SH2D4B: variants seen among roughly 807,000 people sequenced by gnomAD.
SH2D4B encodes SH2 domain-containing protein 4B.
SH2D4B carries 45 observed loss-of-function variants against 61.5 expected under a neutral mutation model. The ratio of observed to expected loss-of-function variants is 0.73; its 90% confidence interval spans 0.58 to 0.94. The LOEUF (loss-of-function observed/expected upper bound fraction) is 0.94, where lower values mean the gene tolerates loss of function less well. Among genes scored for constraint, SH2D4B ranks in the 40% least tolerant of loss-of-function variants. The pLI, the probability that SH2D4B is intolerant of heterozygous loss-of-function variation, is 0.00. For synonymous variants in SH2D4B, 224 were observed against 220.4 expected, an observed-to-expected ratio of 1.02 and a Z score of -0.14; for missense variants, 572 against 574.2, an observed-to-expected ratio of 1.00 and a Z score of 0.04.
At chr10:80,596,106 T>A (rs1195838627) in intron 4 of SH2D4B, among the ~76,000 whole-genome samples, 1 of 152,218 alleles carries the variant, frequency 6.6e-6, no homozygotes, top group Non-Finnish European at 1.5e-5. Context: ...AGAGTTAAAA[T>A]TATACAAATG....
chr10:80,546,070 G>T (rs1841676711), intron 1 of SH2D4B, among the ~76,000 whole-genome samples: 3 of 127,834 alleles, frequency 2.3e-5, no homozygotes, highest in Non-Finnish European at 1.6e-5. Flanking sequence ...TTTTAGACAA[G>T]GTCTTGCTCT....
intron 4 of SH2D4B, among the ~76,000 whole-genome samples, chr10:80,591,215 C>T (rs969697427): frequency 6.6e-6 from 1 of 151,982 alleles, no homozygotes; most frequent in African/African-American, 2.4e-5. Flanking sequence ...TTTATGTACA[C>T]GTTTTTGTGT....
intron 1 of SH2D4B, among the ~76,000 whole-genome samples, chr10:80,550,975 TG>T (rs1390768614): frequency 6.6e-6 from 1 of 152,200 alleles, no homozygotes; most frequent in Non-Finnish European, 1.5e-5. Flanking sequence ...GAGACTCTGT[TG>T]GGGGAGAGTG....
Position 80,584,031 on chromosome 10 carries a change from G to A in SH2D4B, c.496-4599G>A, listed in dbSNP as rs148244850. ...AGATTGGTAGTTCTGGATGATAGAA[G>A]ACAAGGAAGTCTTTAACATTCTGCA... On this transcript the variant is annotated intron_variant, in intron 3 of 7. Transcript: ENST00000646907. 4.8e-3 allele frequency among the ~76,000 whole-genome samples: 732 copies of A among 152,346 alleles called. 7 individuals carry two copies. The highest frequency in any genetic ancestry group is 0.017 in the African/African-American group (705 of 41,570).
At chr10:80,625,573 C>CTTTTTTTTT (rs564697811) in intron 6 of SH2D4B, among the ~76,000 whole-genome samples, 1 of 136,624 alleles carries the variant, frequency 7.3e-6, no homozygotes, top group Admixed American at 7.2e-5. Flanking sequence ...TTTTCTTTTT[C>CTTTTTTTTT]TTTTTTTTTC....
chr10:80,574,105 G>C (rs1842095545), intron 3 of SH2D4B, among the ~76,000 whole-genome samples: 1 of 151,952 alleles, frequency 6.6e-6, no homozygotes, highest in Non-Finnish European at 1.5e-5. Context: ...TTGGAACTTG[G>C]TAAAATTTAT....
intron 6 of SH2D4B, among the ~76,000 whole-genome samples, chr10:80,623,098 A>G (rs1842733653): frequency 6.6e-6 from 1 of 152,270 alleles, no homozygotes; most frequent in African/African-American, 2.4e-5. Context: ...TATTTTTAGT[A>G]GAGACGGCGT....
intron 3 of SH2D4B, among the ~76,000 whole-genome samples, chr10:80,572,987 T>TATATATATA (rs1491317353): frequency 2.2e-4 from 1 of 4,548 alleles, no homozygotes; most frequent in African/African-American, 7.4e-4. Context: ...TATATATATA[T>TATATATATA]TTTTTTTTTT....
intron 1 of SH2D4B, among the ~76,000 whole-genome samples, chr10:80,543,353 C>G (rs533800810): frequency 0.012 from 1,782 of 152,192 alleles, 30 homozygotes; most frequent in African/African-American, 0.039. Context: ...GGCCGGCCAC[C>G]TGGCCGGCCC....
At chr10:80,565,539 G>A (rs1841954567) in intron 1 of SH2D4B, among the ~76,000 whole-genome samples, 1 of 152,014 alleles carries the variant, frequency 6.6e-6, no homozygotes, top group Non-Finnish European at 1.5e-5. Context: ...GGGACTAGAG[G>A]CATGCACCAC....
At chr10:80,569,921 G>A (rs1029367708) in intron 1 of SH2D4B, among the ~76,000 whole-genome samples, 1 of 152,158 alleles carries the variant, frequency 6.6e-6, no homozygotes, top group Non-Finnish European at 1.5e-5. Flanking sequence ...GGAGAGCTCA[G>A]TCTTGGACGC....
At chr10:80,583,437 G>A (rs947647983) in intron 3 of SH2D4B, among the ~76,000 whole-genome samples, 2 of 150,538 alleles carry the variant, frequency 1.3e-5, no homozygotes, top group Admixed American at 1.3e-4. Context: ...AGGAGGCTGA[G>A]GCGGGCGGAT....
chr10:80,628,487 A>G (rs577743631), intron 6 of SH2D4B, among the ~76,000 whole-genome samples: 2 of 152,104 alleles, frequency 1.3e-5, no homozygotes, highest in South Asian at 2.1e-4. Flanking sequence ...ACTTTTTTAA[A>G]TTGCCTAGTC....
At chr10:80,608,407 C>G (rs566559000) in intron 5 of SH2D4B, among the ~76,000 whole-genome samples, 207 of 152,218 alleles carry the variant, frequency 1.4e-3, no homozygotes, top group Non-Finnish European at 2.4e-3. Flanking sequence ...GCGCCCGGCC[C>G]AGATGCTGTA....
intron 1 of SH2D4B, among the ~76,000 whole-genome samples, chr10:80,562,941 G>A (rs1841921194): frequency 8.7e-6 from 1 of 114,314 alleles, no homozygotes; most frequent in African/African-American, 3.4e-5. Context: ...TCGCTCTGTC[G>A]CCCAGGCTGG....
At chr10:80,579,283 A>G (rs935288481) in intron 3 of SH2D4B, among the ~76,000 whole-genome samples, 7 of 152,282 alleles carry the variant, frequency 4.6e-5, no homozygotes, top group Admixed American at 2.6e-4. Context: ...GAATCTTTAT[A>G]TTGGGTTACA....
chr10:80,609,424 C>T lies in SH2D4B; in HGVS notation c.861C>T (p.Ser287=), dbSNP rs779708978. 2 of 1,613,152 alleles carry T rather than the reference C, an allele frequency of 1.2e-6. No homozygotes were observed. The highest frequency in any genetic ancestry group is 1.1e-5 in the South Asian group (1 of 90,988). Residue 287 remains serine (S), a splice_region_variant and synonymous_variant, in exon 6 of 8, where the codon AGC becomes AGT. Transcript: ENST00000646907. The stretch of plus-strand genomic sequence containing the variant: ...CCCTCCCCACTTTCTTTCTCTTCAG[C>T]AGGACCTGGGAGCGCCCGCTGCGCC... ...GLPQPLALPV[S]RTWERPLRPV... is the part of the protein sequence containing the mutation.
chr10:80,638,617 T>G (rs1047632167), intron 7 of SH2D4B, among the ~76,000 whole-genome samples: 4 of 152,168 alleles, frequency 2.6e-5, no homozygotes, highest in Admixed American at 6.5e-5. Context: ...GTATTTCTGT[T>G]GGATCGGTGG....
intron 3 of SH2D4B, among the ~76,000 whole-genome samples, chr10:80,572,064 G>A (rs1156724976): frequency 9.2e-5 from 14 of 151,862 alleles, no homozygotes; most frequent in Admixed American, 5.9e-4. Context: ...GAGCCACTGC[G>A]CCCGGCCGGG....
Sources: allele counts gnomAD v4.1 joint callset (sites outside exome capture counted in the v4.1 genomes callset), GRCh38; gene constraint gnomAD v4.1.1; transcripts MANE v1.5; gene names NCBI Gene and HGNC (gene_info 2026-07-23, HGNC 2026-07-21).